The following STAB1 variants were observed in gnomAD, a reference collection of about 807,000 sequenced individuals.
The protein encoded by STAB1 is stabilin-1.
STAB1 carries 250 observed loss-of-function variants against 332.4 expected under a neutral mutation model. The ratio of observed to expected loss-of-function variants is 0.75; its 90% CI spans 0.68 to 0.84. The LOEUF (loss-of-function observed/expected upper bound fraction) is 0.84, where lower values mean the gene tolerates loss of function less well. Among genes scored for constraint, STAB1 ranks in the 40% least tolerant of loss-of-function variants. The pLI, the probability that STAB1 is intolerant of heterozygous loss-of-function variation, is 0.00. For missense variants in STAB1, 3,249 were observed against 3,489.7 expected, an observed-to-expected ratio of 0.93 and a Z score of 1.74; for synonymous variants, 1,475 against 1,390.4, an observed-to-expected ratio of 1.06 and a Z score of -1.35.
Position 52,522,040 on chromosome 3 carries a change from C to A in STAB1, c.6275C>A (p.Ala2092Glu), listed in dbSNP as rs770757845. 4 of 1,613,272 alleles carry A rather than the reference C, an allele frequency of 2.5e-6. No individual in the cohort carries two copies. In the South Asian group the frequency reaches 4.4e-5, roughly 18 times the overall value. ...YEGDGRVCTV[A>E]DLCQDGHGGC... ...ACCACTCCCTCCCTGCCCTCAGTGG[C>A]AGACCTGTGCCAGGACGGGCATGGT... The change falls in exon 59 of 69, where the codon GCA (alanine) becomes GAA (glutamate). Residue 2092 changes from alanine (A) to glutamate (E), a missense_variant. Physicochemically the swap from Ala to Glu is moderately radical, Grantham distance 107. Coordinates refer to ENST00000321725, the MANE Select transcript of STAB1 (RefSeq NM_015136.3).
intron 17 of STAB1, 129 bp from the exon 18 acceptor site, chr3:52,506,563 C>A: frequency 9.4e-7 from 1 of 1,061,112 alleles, no homozygotes; most frequent in Non-Finnish European, 1.3e-6. Context: ...GCTGGTATGG[C>A]CAGCGGGGCC....
In STAB1 at chr3:52,505,381, G is replaced by A. The variant is rs755122436; in HGVS notation, c.1581G>A (p.Glu527=). The part of the protein sequence containing the change: ...EAFSRFETIL[E]NCGLPSILDG... Reference sequence around the variant, plus strand: ...TCAGCCGCTTTGAAACCATCCTGGAGGTAAGCTCGGGGGAGGGGTCCTAGC... The same window carrying A: ...TCAGCCGCTTTGAAACCATCCTGGAAGTAAGCTCGGGGGAGGGGTCCTAGC... The change falls in exon 14 of 69, where the codon GAG becomes GAA. Residue 527 remains glutamate, a splice_region_variant and synonymous_variant. Transcript: ENST00000321725. 3 of 1,613,240 alleles carry A rather than the reference G, an allele frequency of 1.9e-6. No individual in the cohort carries two copies. The highest frequency in any genetic ancestry group is 2.5e-6 in the Non-Finnish European group (3 of 1,179,748).
At position 52,516,757 on chromosome 3, in the gene STAB1, T is replaced by C; in HGVS notation, c.4352T>C (p.Ile1451Thr). 5 of 1,609,858 alleles carry C rather than the reference T, an allele frequency of 3.1e-6. No homozygotes were observed. The highest frequency in any genetic ancestry group is 4.2e-6 in the Non-Finnish European group (5 of 1,179,164). Residue 1451 changes from isoleucine to threonine, a missense_variant, in exon 41 of 69, where the codon ATC (isoleucine) becomes ACC (threonine). Transcript: ENST00000321725. ...ACAAGYSGNG[I>T]FCSEVDPCAH... is the part of the protein sequence containing the mutation. ...GCTGCGGGATACTCCGGCAATGGCATCTTCTGTTCAGGTCCAGCCACACGG... is the reference window on the plus strand; with the variant it reads ...GCTGCGGGATACTCCGGCAATGGCACCTTCTGTTCAGGTCCAGCCACACGG...
chr3:52,515,464 C>T lies in STAB1; in HGVS notation c.3906C>T (p.Ser1302=), dbSNP rs560411240. Residue 1302 remains serine (S), a synonymous_variant, in exon 37 of 69, where the codon TCC becomes TCT. Coordinates refer to ENST00000321725, the MANE Select transcript of STAB1 (RefSeq NM_015136.3). The part of the protein sequence containing the change: ...RKSCVYRSGF[S]FSRGCSYTCA... ...GCTGTGTCTACCGATCTGGCTTCTC[C>T]TTCTCCCGGGGCTGCTCTTACACAT... is the stretch of plus-strand genomic sequence containing the variant. 6 of 1,613,554 alleles carry T rather than the reference C, an allele frequency of 3.7e-6. No homozygotes were observed. Among genetic ancestry groups the T allele is most frequent in the African/African-American group, 1.3e-5 (1 of 75,058 alleles).
At position 52,522,746 on chromosome 3, in the gene STAB1, G is replaced by C. The variant is rs1308210790; in HGVS notation, c.6745-29G>C. 5 of 1,612,592 alleles carry C rather than the reference G, an allele frequency of 3.1e-6. No individual in the cohort carries two copies. In the African/African-American group the frequency reaches 6.7e-5, roughly 22 times the overall value. On this transcript the variant is annotated intron_variant, in intron 61 of 68. Coordinates refer to ENST00000321725, the MANE Select transcript of STAB1 (RefSeq NM_015136.3). ...TGGGGGAGGCCTTGACTGGGTCTTG[G>C]GTCTTAGTATCCCCTCCTGTTCCTA... is the stretch of plus-strand genomic sequence containing the variant.
At position 52,501,652 on chromosome 3, in the gene STAB1, T is replaced by TG; in HGVS notation, c.236dup (p.Ser80LeufsTer32). 1 of 1,566,534 alleles carries TG rather than the reference T, an allele frequency of 6.4e-7. No homozygotes were observed. On this transcript the variant is annotated frameshift_variant, in exon 3 of 69. Coordinates refer to ENST00000321725, the MANE Select transcript of STAB1 (RefSeq NM_015136.3). LOFTEE classifies it high-confidence loss of function. ...TCTGCCCCCAGCTACGAAGTACAGC[T>TG]GGGGGGCTCTATGGTGTCCATGAGC...
rs764874927 is a variant in STAB1 at position 52,516,539 on chromosome 3, C to G, written c.4241-3C>G. The G allele has an allele frequency of 2.5e-6, 4 of 1,613,158 alleles. No individual in the cohort carries two copies. The highest frequency in any genetic ancestry group is 3.3e-5 in the Admixed American group (2 of 59,998). On this transcript the variant is annotated splice_region_variant and splice_polypyrimidine_tract_variant and intron_variant, in intron 39 of 68. Transcript: ENST00000321725. ...TGACCAGAGTCATCCTCCTGCCCCC[C>G]AGAAATCACCAGCCCTCAGTGCCCT... is the stretch of plus-strand genomic sequence containing the variant.
At chr3:52,500,699 C>T (rs1483822247) in intron 1 of STAB1, among the ~76,000 whole-genome samples, 1 of 152,200 alleles carries the variant, frequency 6.6e-6, no homozygotes, top group African/African-American at 2.4e-5. Context: ...GTTTCTTTAT[C>T]TTTAAACAAA....
At chr3:52,497,196 A>T (rs2153232348) in intron 1 of STAB1, among the ~76,000 whole-genome samples, 1 of 151,740 alleles carries the variant, frequency 6.6e-6, no homozygotes, top group East Asian at 2.0e-4. Context: ...CACCATGTTG[A>T]CCAGGCTGGT....
chr3:52,514,837 G>A lies in STAB1; in HGVS notation c.3807+8G>A. ...CACGCTGAGGCCCTGCGGGTGAGAG[G>A]CTGGGGCCACAGGAAGGCCGGCACG... On this transcript the variant is annotated splice_region_variant and intron_variant, in intron 35 of 68. Transcript: ENST00000321725. 6.2e-7 allele frequency: 1 copy of A among 1,612,874 alleles called. No individual in the cohort carries two copies. Among genetic ancestry groups the A allele is most frequent in the Non-Finnish European group, 8.5e-7 (1 of 1,179,984 alleles).
At chr3:52,523,196 A>C in intron 63 of STAB1, 26 bp from the exon 64 acceptor site, 1 of 1,612,762 alleles carries the variant, frequency 6.2e-7, no homozygotes, top group Non-Finnish European at 8.5e-7. Flanking sequence ...GAGCCTGCTC[A>C]TAGTTCTGTC....
At chr3:52,517,144 G>A (rs1575350109) in intron 42 of STAB1, 35 bp downstream of exon 42, 1 of 1,518,380 alleles carries the variant, frequency 6.6e-7, no homozygotes, top group African/African-American at 1.4e-5. Flanking sequence ...TTTATGTTGG[G>A]CTAGGGGTCT....
At chr3:52,508,848 A>AG (rs934122928) in intron 21 of STAB1, among the ~76,000 whole-genome samples, 18 of 151,860 alleles carry the variant, frequency 1.2e-4, no homozygotes, top group African/African-American at 4.4e-4. Context: ...TAATAATAAT[A>AG]ATAATAGATA....
chr3:52,519,718 T>C, intron 50 of STAB1, 154 bp downstream of exon 50: 2 of 1,240,094 alleles, frequency 1.6e-6, no homozygotes, highest in Non-Finnish European at 2.2e-6. Flanking sequence ...CACATCTGTG[T>C]GCATGTGCAC....
chr3:52,501,376 G>A (rs1708431107), intron 2 of STAB1, 74 bp downstream of exon 2: 3 of 1,576,026 alleles, frequency 1.9e-6, no homozygotes, highest in Admixed American at 1.7e-5. Context: ...GAGCCTGACA[G>A]GCCCACAAAA....
At chr3:52,497,062 C>T (rs1475550854) in intron 1 of STAB1, among the ~76,000 whole-genome samples, 2 of 152,168 alleles carry the variant, frequency 1.3e-5, no homozygotes, top group South Asian at 2.1e-4. Context: ...AGGGCAGTGG[C>T]GTGATCTCGG....
Position 52,509,848 on chromosome 3 carries a change from T to C in STAB1, c.2348-22T>C, listed in dbSNP as rs199532618. On this transcript the variant is annotated intron_variant, in intron 22 of 68. Coordinates refer to ENST00000321725, the MANE Select transcript of STAB1 (RefSeq NM_015136.3). The stretch of plus-strand genomic sequence containing the variant: ...CCTGCCTCCTGCTTCTCAGTTTCCT[T>C]GCTCCCATCTACTCCATACAGACTG... 40 of 1,612,386 alleles carry C rather than the reference T, an allele frequency of 2.5e-5. No individual in the cohort carries two copies. The East Asian group carries it at 8.9e-4, about 36-fold the overall frequency.
chr3:52,501,953 C>T, intron 3 of STAB1, 53 bp from the exon 4 acceptor site: 1 of 1,600,978 alleles, frequency 6.2e-7, no homozygotes, highest in Non-Finnish European at 8.5e-7. Context: ...CTGCTGGGGT[C>T]AGGGTAAGCG....
intron 3 of STAB1, 69 bp from the exon 4 acceptor site, chr3:52,501,937 C>A: frequency 6.3e-7 from 1 of 1,585,294 alleles, no homozygotes; most frequent in Non-Finnish European, 8.6e-7. Context: ...CTGGGGTTGG[C>A]CAGAGCTGCT....
Sources: allele counts gnomAD v4.1 joint callset (sites outside exome capture counted in the v4.1 genomes callset), GRCh38; gene constraint gnomAD v4.1.1; transcripts MANE v1.5; gene names NCBI Gene and HGNC (gene_info 2026-07-23, HGNC 2026-07-21).